GRID2: variants seen among roughly 807,000 people sequenced by gnomAD.
GRID2 encodes the protein glutamate ionotropic receptor delta type subunit 2.
In GRID2, 33 loss-of-function variants were observed where a neutral mutation model predicts 114.8. That is an observed-to-expected ratio of 0.29 (90% CI 0.22 to 0.38). The LOEUF (loss-of-function observed/expected upper bound fraction) is 0.38, where lower values mean the gene tolerates loss of function less well. GRID2 is among the 10% of genes least tolerant of loss of function. GRID2 has a pLI of 1.00. For missense variants in GRID2, 1,184 were observed against 1,257.7 expected (o/e 0.94, Z 0.89); for synonymous variants, 505 against 449.9 (o/e 1.12, Z -1.55).
chr4:93,747,001 G>A (rs1731897994), intron 14 of GRID2, among the ~76,000 whole-genome samples: 1 of 151,830 alleles, frequency 6.6e-6, no homozygotes, highest in Admixed American at 6.6e-5. Context: ...TAAGACAAGG[G>A]TGTATTCCAA....
chr4:93,248,036 C>T (rs1748400645), intron 8 of GRID2, among the ~76,000 whole-genome samples: 1 of 151,950 alleles, frequency 6.6e-6, no homozygotes, highest in Non-Finnish European at 1.5e-5. Flanking sequence ...TACTAGAGAG[C>T]ATCAACAGTG....
intron 7 of GRID2, among the ~76,000 whole-genome samples, chr4:93,226,748 G>C (rs757860697): frequency 2.6e-5 from 4 of 152,142 alleles, no homozygotes; most frequent in Non-Finnish European, 5.9e-5. Flanking sequence ...CTTAGTACGG[G>C]CTCTCTGTGG....
intron 12 of GRID2, among the ~76,000 whole-genome samples, chr4:93,500,241 A>G (rs1211013111): frequency 1.3e-5 from 2 of 152,152 alleles, no homozygotes; most frequent in South Asian, 4.1e-4. Flanking sequence ...TTTTCCTAAG[A>G]GTAAAAAAGG....
chr4:92,629,258 C>A (rs1357405880), intron 2 of GRID2, among the ~76,000 whole-genome samples: 2 of 151,944 alleles, frequency 1.3e-5, no homozygotes, highest in Non-Finnish European at 2.9e-5. Context: ...CTCAGATATG[C>A]AACATTTATA....
At chr4:93,567,380 TC>T (rs1735530144) in intron 13 of GRID2, among the ~76,000 whole-genome samples, 1 of 152,324 alleles carries the variant, frequency 6.6e-6, no homozygotes, top group East Asian at 1.9e-4. Context: ...TTAGTAACAC[TC>T]GTACAAATCA....
intron 2 of GRID2, among the ~76,000 whole-genome samples, chr4:92,772,953 G>C (rs1328281632): frequency 6.6e-6 from 1 of 152,062 alleles, no homozygotes; most frequent in Non-Finnish European, 1.5e-5. Flanking sequence ...GCTTCATATT[G>C]CTGGATATTT....
At chr4:92,683,057 T>C (rs781208226) in intron 2 of GRID2, among the ~76,000 whole-genome samples, 10 of 152,120 alleles carry the variant, frequency 6.6e-5, no homozygotes, top group African/African-American at 9.7e-5. Flanking sequence ...CCCAGCACTT[T>C]GGGAGGCCAA....
intron 2 of GRID2, among the ~76,000 whole-genome samples, chr4:92,667,859 C>T (rs776038087): frequency 6.6e-6 from 1 of 151,742 alleles, no homozygotes; most frequent in Non-Finnish European, 1.5e-5. Context: ...AAACAGACAA[C>T]AAGATATAGT....
At chr4:92,861,107 A>G (rs1055517992) in intron 2 of GRID2, among the ~76,000 whole-genome samples, 1 of 152,124 alleles carries the variant, frequency 6.6e-6, no homozygotes, top group African/African-American at 2.4e-5. Flanking sequence ...TTATGGCTCT[A>G]CCAACTTTAA....
At chr4:93,324,253 A>G (rs1757579189) in intron 8 of GRID2, among the ~76,000 whole-genome samples, 1 of 152,140 alleles carries the variant, frequency 6.6e-6, no homozygotes, top group Non-Finnish European at 1.5e-5. Flanking sequence ...AGTTTTTAGC[A>G]TGAAGGGCTC....
intron 2 of GRID2, among the ~76,000 whole-genome samples, chr4:92,658,174 C>A (rs534660993): frequency 6.6e-6 from 1 of 151,702 alleles, no homozygotes; most frequent in Admixed American, 6.6e-5. Context: ...CATATCATGA[C>A]CTTATGGGAA....
chr4:92,592,556 C>T (rs770454649), intron 2 of GRID2, among the ~76,000 whole-genome samples: 15 of 151,844 alleles, frequency 9.9e-5, no homozygotes, highest in Non-Finnish European at 1.5e-4. Flanking sequence ...GCAATAGTGA[C>T]GTGACGGCAC....
chr4:93,708,614 CTATT>C (rs1200116021), intron 14 of GRID2, among the ~76,000 whole-genome samples: 1 of 151,790 alleles, frequency 6.6e-6, no homozygotes, highest in Non-Finnish European at 1.5e-5. Context: ...TTTTTTTAAT[CTATT>C]TATCCACGCT....
intron 4 of GRID2, among the ~76,000 whole-genome samples, chr4:93,137,975 T>TG (rs1735420982): frequency 7.1e-6 from 1 of 140,580 alleles, no homozygotes; most frequent in African/African-American, 2.6e-5. Flanking sequence ...CGTTTTTTTT[T>TG]TTTTTTTTTT....
chr4:93,715,249 A>C (rs1274472188), intron 14 of GRID2, among the ~76,000 whole-genome samples: 1 of 151,934 alleles, frequency 6.6e-6, no homozygotes, highest in Admixed American at 6.6e-5. Context: ...GTAGGAGTGC[A>C]GTCTTACCTC....
chr4:92,737,094 A>G (rs1736634612), intron 2 of GRID2, among the ~76,000 whole-genome samples: 1 of 152,136 alleles, frequency 6.6e-6, no homozygotes, highest in Non-Finnish European at 1.5e-5. Flanking sequence ...CATTCAGGAC[A>G]TCTAGCTCTT....
chr4:92,849,746 T>C (rs890483213), intron 2 of GRID2, among the ~76,000 whole-genome samples: 8 of 151,842 alleles, frequency 5.3e-5, no homozygotes, highest in African/African-American at 1.9e-4. Flanking sequence ...TTATTTATTA[T>C]GTAAGATTGG....
intron 14 of GRID2, among the ~76,000 whole-genome samples, chr4:93,749,721 A>G (rs991834522): frequency 1.3e-5 from 2 of 152,224 alleles, no homozygotes; most frequent in Non-Finnish European, 2.9e-5. Context: ...AAGTGGCGTC[A>G]TCCCCCTCTA....
At chr4:92,481,981 G>GAGATAT (rs1350895466) in intron 1 of GRID2, among the ~76,000 whole-genome samples, 1 of 47,242 alleles carries the variant, frequency 2.1e-5, no homozygotes, top group African/African-American at 7.5e-5. Flanking sequence ...AATAAAATGT[G>GAGATAT]ATATATATAT....
Sources: allele counts gnomAD v4.1 joint callset (sites outside exome capture counted in the v4.1 genomes callset), GRCh38; gene constraint gnomAD v4.1.1; transcripts MANE v1.5; gene names NCBI Gene and HGNC (gene_info 2026-07-23, HGNC 2026-07-21).